NTM: variants seen among roughly 807,000 people sequenced by gnomAD.
NTM encodes IgLON family member 2.
NTM carries 13 observed loss-of-function variants against 42.1 expected under a neutral mutation model. That is an observed-to-expected ratio of 0.31 (90% CI 0.20 to 0.49). NTM has a LOEUF of 0.49. Among genes scored for constraint, NTM ranks in the 20% least tolerant of loss-of-function variants. The pLI, the probability that NTM is intolerant of heterozygous loss-of-function variation, is 0.99. For synonymous variants in NTM, 187 were observed against 179.2 expected (o/e 1.04, Z -0.35); for missense variants, 373 against 452.8 (o/e 0.82, Z 1.60).
chr11:131,497,509 G>T (rs902987454), intron 1 of NTM, among the ~76,000 whole-genome samples: 1 of 121,192 alleles, frequency 8.3e-6, no homozygotes, highest in Admixed American at 7.8e-5. Context: ...TTTCTAAGAG[G>T]CCCTTTCTGA....
At chr11:131,922,230 C>G (rs963592133) in intron 2 of NTM, 1 of 152,602 alleles carries the variant, frequency 6.6e-6, no homozygotes, top group African/African-American at 2.4e-5. Flanking sequence ...ATTTCTTTTT[C>G]ACCTTTCTCG....
At chr11:131,758,324 G>T (rs1181141204) in intron 1 of NTM, among the ~76,000 whole-genome samples, 3 of 151,708 alleles carry the variant, frequency 2.0e-5, no homozygotes, top group Admixed American at 6.6e-5. Flanking sequence ...TAGTGATATG[G>T]CCATATTTCA....
chr11:132,259,737 T>TTTTGTTTG (rs544919719), intron 4 of NTM, among the ~76,000 whole-genome samples: 4 of 151,482 alleles, frequency 2.6e-5, no homozygotes, highest in South Asian at 2.1e-4. Flanking sequence ...AGTTTTTTGT[T>TTTTGTTTG]TTTGTTTGTT....
chr11:131,542,661 C>T (rs892804498), intron 1 of NTM, among the ~76,000 whole-genome samples: 3 of 152,150 alleles, frequency 2.0e-5, no homozygotes, highest in Non-Finnish European at 4.4e-5. Context: ...TTCTCACAAT[C>T]CCCCCTACTT....
chr11:132,288,705 C>T (rs1211816688), intron 4 of NTM, among the ~76,000 whole-genome samples: 2 of 152,086 alleles, frequency 1.3e-5, no homozygotes, highest in Non-Finnish European at 2.9e-5. Context: ...CTGCAACCTC[C>T]AGCTCCCGGG....
chr11:132,296,899 C>T (rs1014431134), intron 4 of NTM, among the ~76,000 whole-genome samples: 1 of 152,188 alleles, frequency 6.6e-6, no homozygotes, highest in Non-Finnish European at 1.5e-5. Context: ...ATTTGGCCTA[C>T]CTGCTGGAAA....
intron 4 of NTM, among the ~76,000 whole-genome samples, chr11:132,240,768 G>A (rs899357647): frequency 1.8e-4 from 27 of 152,206 alleles, no homozygotes; most frequent in African/African-American, 6.5e-4. Flanking sequence ...TTCTAAACAC[G>A]TTGAGATATG....
chr11:131,380,374 A>AT (rs1233440278), intron 1 of NTM, among the ~76,000 whole-genome samples: 4 of 151,270 alleles, frequency 2.6e-5, no homozygotes, highest in African/African-American at 7.3e-5. Context: ...TGCCCAGCTA[A>AT]TTTTTTTTCT....
At chr11:131,373,590 A>C (rs1170170189) in intron 1 of NTM, among the ~76,000 whole-genome samples, 3 of 151,370 alleles carry the variant, frequency 2.0e-5, no homozygotes, top group Non-Finnish European at 2.9e-5. Flanking sequence ...AAGTGGAGGC[A>C]TCTCGTTGCC....
intron 3 of NTM, among the ~76,000 whole-genome samples, chr11:132,154,938 G>A (rs899835592): frequency 6.6e-6 from 1 of 152,192 alleles, no homozygotes; most frequent in African/African-American, 2.4e-5. Context: ...ATTTATTGAT[G>A]CAAAATCAGG....
intron 1 of NTM, among the ~76,000 whole-genome samples, chr11:131,572,775 G>T (rs888939648): frequency 1.3e-5 from 2 of 152,214 alleles, no homozygotes; most frequent in South Asian, 2.1e-4. Flanking sequence ...TTTTTAAGCT[G>T]CTGCAGAGCC....
At chr11:132,205,663 C>T (rs1034641734) in intron 3 of NTM, among the ~76,000 whole-genome samples, 1 of 152,158 alleles carries the variant, frequency 6.6e-6, no homozygotes, top group South Asian at 2.1e-4. Context: ...GCACCACATA[C>T]ATGCCTGTGG....
chr11:131,509,072 A>G (rs1283178452), intron 1 of NTM, among the ~76,000 whole-genome samples: 1 of 152,208 alleles, frequency 6.6e-6, no homozygotes, highest in South Asian at 2.1e-4. Context: ...AAATTTGCTC[A>G]GTTAATACTC....
intron 2 of NTM, among the ~76,000 whole-genome samples, chr11:131,999,561 G>A (rs2068764422): frequency 6.6e-6 from 1 of 152,196 alleles, no homozygotes; most frequent in Non-Finnish European, 1.5e-5. Context: ...GTCATGGCTG[G>A]TAGATGCTCC....
At chr11:132,292,018 G>A (rs1465903964) in intron 4 of NTM, among the ~76,000 whole-genome samples, 2 of 152,196 alleles carry the variant, frequency 1.3e-5, no homozygotes, top group Non-Finnish European at 2.9e-5. Context: ...GTGGAAAACA[G>A]TGGTGTTAAG....
intron 1 of NTM, chr11:131,535,961 T>C (rs1050855569): frequency 3.3e-5 from 5 of 152,374 alleles, no homozygotes; most frequent in African/African-American, 1.2e-4. Flanking sequence ...AAAGAATGAA[T>C]GCTTCCTTGT....
chr11:131,676,106 C>G (rs751207693), intron 1 of NTM, among the ~76,000 whole-genome samples: 1 of 152,122 alleles, frequency 6.6e-6, no homozygotes, highest in Non-Finnish European at 1.5e-5. Context: ...GAACCTGAAC[C>G]CTTGCTTTTC....
At chr11:131,962,922 T>C (rs1231542448) in intron 2 of NTM, among the ~76,000 whole-genome samples, 1 of 152,178 alleles carries the variant, frequency 6.6e-6, no homozygotes, top group Non-Finnish European at 1.5e-5. Flanking sequence ...ATAGGTCGGA[T>C]AGTGAAGATC....
intron 1 of NTM, among the ~76,000 whole-genome samples, chr11:131,470,723 G>A (rs772891930): frequency 2.8e-4 from 43 of 152,278 alleles, no homozygotes; most frequent in African/African-American, 9.9e-4. Context: ...AGGTCAGACC[G>A]TGAAAGCAGC....
Sources: gnomAD v4.1 joint callset for allele counts (sites outside exome capture counted in the v4.1 genomes callset) on GRCh38, gnomAD v4.1.1 for gene constraint, MANE v1.5 for transcripts, NCBI Gene and HGNC (gene_info 2026-07-23, HGNC 2026-07-21) for gene names.